The following ZNF276 variants were observed in gnomAD, a reference collection of about 807,000 sequenced individuals.
The protein encoded by ZNF276 is zinc finger protein 276.
A neutral mutation model predicts 63.9 loss-of-function variants in ZNF276; 59 were observed. The observed-to-expected ratio is 0.92, with a 90% CI of 0.75 to 1.15. The LOEUF (loss-of-function observed/expected upper bound fraction) is 1.15, where lower values mean the gene tolerates loss of function less well. ZNF276 is among the 50% of genes most tolerant of loss of function. The pLI, the probability that ZNF276 is intolerant of heterozygous loss-of-function variation, is 0.00. For synonymous variants in ZNF276, 496 were observed against 348.4 expected (o/e 1.42, Z -4.72); for missense variants, 1,084 against 843.8 (o/e 1.28, Z -3.53).
At chr16:89,720,543 G>A, upstream of ZNF276, 1 of 1,172,988 alleles carries the variant, frequency 8.5e-7, no homozygotes, top group Non-Finnish European at 1.1e-6. Flanking sequence ...TCAGCGAGCG[G>A]AGTGGAAAGC....
intron 6 of ZNF276, 98 bp downstream of exon 6, chr16:89,729,416 T>G (rs956668495): frequency 9.2e-7 from 1 of 1,089,058 alleles, no homozygotes; most frequent in Admixed American, 1.9e-5. Flanking sequence ...CTCAGTTCAC[T>G]CTCTCGTGTG....
intron 1 of ZNF276, 139 bp from the exon 2 acceptor site, chr16:89,722,392 C>A: frequency 2.1e-6 from 2 of 966,968 alleles, no homozygotes; most frequent in African/African-American, 1.6e-5. Context: ...CGCCGAGAGC[C>A]GCGCGCCCGA....
intron 4 of ZNF276, among the ~76,000 whole-genome samples, chr16:89,725,031 A>T (rs1028278710): frequency 2.2e-4 from 34 of 152,356 alleles, no homozygotes; most frequent in Admixed American, 1.6e-3. Context: ...CCGCTACCTC[A>T]GCCTCCCGAG....
intron 4 of ZNF276, among the ~76,000 whole-genome samples, chr16:89,726,580 G>A (rs371831860): frequency 2.0e-5 from 3 of 150,832 alleles, no homozygotes; most frequent in Non-Finnish European, 3.0e-5. Context: ...ATCCACCCGC[G>A]TCAGCCTCCC....
At position 89,739,658 on chromosome 16, in the gene ZNF276, G is replaced by T. The variant is rs2062075632; in HGVS notation, c.*1412G>T. On this transcript the variant is annotated 3_prime_UTR_variant, in exon 11 of 11. Coordinates refer to ENST00000443381, the MANE Select transcript of ZNF276 (RefSeq NM_001113525.2). ...GACGTGTACCCTGGGAGGCCTGGCT[G>T]TGGGGATAGTGTGGGGCGAACAGCC... is the stretch of plus-strand genomic sequence containing the variant. The T allele has an allele frequency of 1.3e-6, 2 of 1,508,164 alleles. No individual in the cohort carries two copies. The highest frequency in any genetic ancestry group is 2.8e-5 in the African/African-American group (2 of 72,336). The allele number at this position is 1,508,164 out of a possible 1,614,324, so 93.4% of individuals were successfully genotyped here.
At position 89,722,520 on chromosome 16, in the gene ZNF276, G is replaced by A; in HGVS notation, c.206-11G>A. The A allele has an allele frequency of 6.2e-7, 1 of 1,600,722 alleles. No individual in the cohort carries two copies. Among genetic ancestry groups the A allele is most frequent in the South Asian group, 1.1e-5 (1 of 90,440 alleles). On this transcript the variant is annotated splice_polypyrimidine_tract_variant and intron_variant, in intron 1 of 10. Transcript: ENST00000443381. ...TTGCCAGCTGCTAACACTTCCTGCC[G>A]CTCTGTGCAGGAGCAGGCCGGGCTC...
chr16:89,739,895 T>C lies in ZNF276; in HGVS notation c.*1649T>C. ...CTAAAATGGAGCTTATAAACTTACT[T>C]AGCAAGGAACCTCAAGGAGGGCTCG... On this transcript the variant is annotated 3_prime_UTR_variant, in exon 11 of 11. Coordinates refer to ENST00000443381, the MANE Select transcript of ZNF276 (RefSeq NM_001113525.2). The C allele has an allele frequency of 6.4e-7, 1 of 1,572,732 alleles. No individual in the cohort carries two copies. The highest frequency in any genetic ancestry group is 8.6e-7 in the Non-Finnish European group (1 of 1,159,016).
chr16:89,723,519 C>T lies in ZNF276; in HGVS notation c.816C>T (p.Pro272=), dbSNP rs776969085. ...ACAAAGAGACGGCGCCACGGCTGCC[C>T]CAGCACCGAGGGTGGAACCCTGGGG... ...PWDKETAPRL[P]QHRGWNPGDA... Residue 272 remains proline, a synonymous_variant, in exon 4 of 11, where the codon CCC becomes CCT. Transcript: ENST00000443381. 2 of 1,612,866 alleles carry T rather than the reference C, an allele frequency of 1.2e-6. No individual in the cohort carries two copies. Among genetic ancestry groups the T allele is most frequent in the Admixed American group, 3.3e-5 (2 of 60,024 alleles).
At position 89,722,867 on chromosome 16, in the gene ZNF276, C is replaced by T. The variant is rs375092889; in HGVS notation, c.509+33C>T. The stretch of plus-strand genomic sequence containing the variant: ...CTAGTCTGTTCAGAGCACGTTCAGG[C>T]TGTCAGTACTGCAGTGTGACGGGTG... On this transcript the variant is annotated intron_variant, in intron 2 of 10. Coordinates refer to ENST00000443381, the MANE Select transcript of ZNF276 (RefSeq NM_001113525.2). The T allele has an allele frequency of 5.0e-6, 8 of 1,586,294 alleles. No individual in the cohort carries two copies. In the Admixed American group the frequency reaches 6.7e-5, roughly 13 times the overall value.
intron 9 of ZNF276, among the ~76,000 whole-genome samples, chr16:89,734,717 C>T (rs930374847): frequency 6.6e-6 from 1 of 152,182 alleles, no homozygotes; most frequent in African/African-American, 2.4e-5. Context: ...GTGGTTCTGC[C>T]TTTTCACATG....
chr16:89,729,570 C>G (rs995036450), intron 6 of ZNF276, among the ~76,000 whole-genome samples: 1 of 152,194 alleles, frequency 6.6e-6, no homozygotes, highest in Admixed American at 6.5e-5. Context: ...CCTCAGAGTC[C>G]CAGCAGTGGA....
At chr16:89,727,717 A>T (rs2061511401) in intron 5 of ZNF276, among the ~76,000 whole-genome samples, 1 of 152,200 alleles carries the variant, frequency 6.6e-6, no homozygotes, top group South Asian at 2.1e-4. Context: ...GCAGCCTAGA[A>T]ATGAGTTTGT....
At chr16:89,730,718 C>T (rs1038766699) in intron 6 of ZNF276, among the ~76,000 whole-genome samples, 1 of 152,134 alleles carries the variant, frequency 6.6e-6, no homozygotes, top group South Asian at 2.1e-4. Flanking sequence ...CTGACTGCGG[C>T]GAGTACCAGG....
upstream of ZNF276, chr16:89,720,798 CG>C: frequency 6.8e-7 from 1 of 1,460,898 alleles, no homozygotes; most frequent in South Asian, 1.3e-5. Context: ...TCGATGGCCC[CG>C]TTGGCAAGCT....
In ZNF276 at chr16:89,740,243, G is replaced by A. The variant is rs1357992046; in HGVS notation, c.*1997G>A. On this transcript the variant is annotated 3_prime_UTR_variant, in exon 11 of 11. Coordinates refer to ENST00000443381, the MANE Select transcript of ZNF276 (RefSeq NM_001113525.2). The stretch of plus-strand genomic sequence containing the variant: ...CTGGTGACAGTTTTACCTATAGAAG[G>A]TAATACTGGGCCTCTGGACAGAAGA... The A allele has an allele frequency of 2.9e-5, 22 of 755,860 alleles. No homozygotes were observed. Among genetic ancestry groups the A allele is most frequent in the Non-Finnish European group, 5.0e-5 (21 of 423,778 alleles). The allele number at this position is 755,860 out of a possible 1,614,324, so 46.8% of individuals were successfully genotyped here.
chr16:89,740,207 A>T lies in ZNF276; in HGVS notation c.*1961A>T, dbSNP rs1471141500. The T allele has an allele frequency of 1.1e-6, 1 of 921,448 alleles. No individual in the cohort carries two copies. Among genetic ancestry groups the T allele is most frequent in the Non-Finnish European group, 1.8e-6 (1 of 552,392 alleles). 57.1% of individuals were successfully genotyped at this position (921,448 alleles called of 1,614,324 possible). On this transcript the variant is annotated 3_prime_UTR_variant, in exon 11 of 11. Coordinates refer to ENST00000443381, the MANE Select transcript of ZNF276 (RefSeq NM_001113525.2). ...AGGGCATTTCCTCTTTGCTTATTGT[A>T]AGTCTTAAAACTGGTGACAGTTTTA...
Position 89,738,096 on chromosome 16 carries a change from G to A in ZNF276, c.1695G>A (p.Lys565=), listed in dbSNP as rs1468130084. The change falls in exon 11 of 11, where the codon AAG becomes AAA. Residue 565 remains lysine (K), a synonymous_variant. Coordinates refer to ENST00000443381, the MANE Select transcript of ZNF276 (RefSeq NM_001113525.2). ...ACDQCGRRFE[K]AHNLNVHMSM... is the part of the protein sequence containing the mutation. ...ACCAGTGTGGCCGGCGGTTTGAGAA[G>A]GCCCACAACCTCAATGTACACATGT... The A allele has an allele frequency of 6.2e-7, 1 of 1,614,030 alleles. No individual in the cohort carries two copies. Among genetic ancestry groups the A allele is most frequent in the South Asian group, 1.1e-5 (1 of 91,086 alleles).
chr16:89,720,605 C>A (rs901456783), upstream of ZNF276: 9 of 1,229,528 alleles, frequency 7.3e-6, no homozygotes, highest in Non-Finnish European at 8.1e-6. Flanking sequence ...CCGGCTGCGC[C>A]CCGCCCCCGT....
In ZNF276 at chr16:89,723,283, C is replaced by G; in HGVS notation, c.580C>G (p.Gln194Glu). 3.7e-6 allele frequency: 6 copies of G among 1,613,078 alleles called. No individual in the cohort carries two copies. The highest frequency in any genetic ancestry group is 5.1e-6 in the Non-Finnish European group (6 of 1,179,966). The change falls in exon 4 of 11, where the codon CAG (glutamine) becomes GAG (glutamate). Residue 194 changes from glutamine to glutamate, a missense_variant. By Grantham distance (29) the Gln-to-Glu change is conservative. Transcript: ENST00000443381. Reference protein sequence around the residue: ...CLVDLITSSPQCLHGLVGWVH... With the variant: ...CLVDLITSSPECLHGLVGWVH... ...AGTGGATCTGATCACATCCAGCCCC[C>G]AGTGCCTGCACGGCTTGGTGGGGTG... is the stretch of plus-strand genomic sequence containing the variant.
Sources: allele counts gnomAD v4.1 joint callset (sites outside exome capture counted in the v4.1 genomes callset), GRCh38; gene constraint gnomAD v4.1.1; transcripts MANE v1.5; gene names NCBI Gene and HGNC (gene_info 2026-07-23, HGNC 2026-07-21).